ZFP37: variants seen among roughly 807,000 people sequenced by gnomAD.
ZFP37 encodes the protein zinc finger protein 37 homolog.
In ZFP37, 38 loss-of-function variants were observed where a neutral mutation model predicts 52.1. The observed-to-expected ratio is 0.73, with a 90% CI of 0.56 to 0.96. ZFP37 has a LOEUF of 0.96. Ranked by LOEUF, ZFP37 falls within the 40% of genes least tolerant of loss-of-function variation. The pLI, the probability that ZFP37 is intolerant of heterozygous loss-of-function variation, is 0.00. For synonymous variants in ZFP37, 253 were observed against 259.5 expected (o/e 0.98, Z 0.24); for missense variants, 695 against 741.4 (o/e 0.94, Z 0.73).
In ZFP37 at chr9:113,043,355, G is replaced by A. The variant is rs373377090; in HGVS notation, c.1263C>T (p.Thr421=). 4.7e-5 allele frequency: 76 copies of A among 1,613,898 alleles called. No homozygotes were observed. Among genetic ancestry groups the A allele is most frequent in the Non-Finnish European group, 5.3e-5 (62 of 1,179,978 alleles). The change falls in exon 4 of 4, where the codon ACC becomes ACT. Residue 421 remains threonine, a synonymous_variant. Transcript: ENST00000374227. The part of the protein sequence containing the change: ...GKSFRYNSSL[T]EHVRTHTGEI... ...CACCTGTATGTGTTCTCACATGTTCGGTAAGAGATGAGTTATACCTAAAAG... is the reference window on the plus strand; with the variant it reads ...CACCTGTATGTGTTCTCACATGTTCAGTAAGAGATGAGTTATACCTAAAAG...
chr9:113,046,230 CTA>C (rs200966204), intron 3 of ZFP37, among the ~76,000 whole-genome samples: 20 of 125,616 alleles, frequency 1.6e-4, no homozygotes, highest in African/African-American at 3.8e-4. Flanking sequence ...AGACATATAT[CTA>C]TATATATATA....
rs560965530 is a variant in ZFP37 at position 113,043,953 on chromosome 9, C to T, written c.665G>A (p.Gly222Asp). Residue 222 changes from glycine to aspartate, a missense_variant, in exon 4 of 4, where the codon GGC (glycine) becomes GAC (aspartate). Gly to Asp is a moderately conservative substitution (Grantham distance 94, BLOSUM62 -1). Transcript: ENST00000374227. ...FNHSLSDTRK[G>D]KKQTGKKHEK... Reference sequence around the variant, plus strand: ...ATGTTTCTTTCCAGTTTGCTTTTTGCCTTTCCTTGTATCAGATAAGCTATG... The same window carrying T: ...ATGTTTCTTTCCAGTTTGCTTTTTGTCTTTCCTTGTATCAGATAAGCTATG... 1.2e-6 allele frequency: 2 copies of T among 1,613,934 alleles called. No individual in the cohort carries two copies. The highest frequency in any genetic ancestry group is 2.2e-5 in the South Asian group (2 of 91,074).
At chr9:113,044,540 G>A (rs1828918321) in intron 3 of ZFP37, among the ~76,000 whole-genome samples, 1 of 152,136 alleles carries the variant, frequency 6.6e-6, no homozygotes. Context: ...AACACAGGGA[G>A]AAGTGAACAG....
At position 113,049,791 on chromosome 9, in the gene ZFP37, C is replaced by T. The variant is rs373370082; in HGVS notation, c.214G>A (p.Gly72Arg). 6.2e-7 allele frequency: 1 copy of T among 1,613,328 alleles called. No homozygotes were observed. Among genetic ancestry groups the T allele is most frequent in the African/African-American group, 1.3e-5 (1 of 74,866 alleles). Residue 72 changes from glycine to arginine, a missense_variant and splice_region_variant, in exon 2 of 4, where the codon GGG (glycine) becomes AGG (arginine). Gly to Arg is a moderately radical substitution (Grantham distance 125). Coordinates refer to ENST00000374227, the MANE Select transcript of ZFP37 (RefSeq NM_003408.3). ...TGAATTACAAAGGAATTGTTCTTACCCATTGAGGCTTGGTTGCAGTAGTTC... is the reference window on the plus strand; with the variant it reads ...TGAATTACAAAGGAATTGTTCTTACTCATTGAGGCTTGGTTGCAGTAGTTC... ...LENYCNQASMGCQAPKPDMIS... is the reference protein window; with the variant it reads ...LENYCNQASMRCQAPKPDMIS...
chr9:113,053,001 C>T (rs1829083915), intron 1 of ZFP37, among the ~76,000 whole-genome samples: 1 of 152,206 alleles, frequency 6.6e-6, no homozygotes, highest in South Asian at 2.1e-4. Flanking sequence ...TCCGTATCAA[C>T]GTGGAAGAGC....
rs112905825 is a variant in ZFP37, at chr9:113,039,805, T to A, written c.*2920A>T. On this transcript the variant is annotated 3_prime_UTR_variant, in exon 4 of 4. Transcript: ENST00000374227. ...TTACTTTTATGCCCCTTCATTTTCT[T>A]AAAGAGGATCTGAAAAACAGTTTAA... is the stretch of plus-strand genomic sequence containing the variant. 96 of 152,320 alleles carry A rather than the reference T, an allele frequency of 6.3e-4. No homozygotes were observed. Among genetic ancestry groups the A allele is most frequent in the African/African-American group, 2.0e-3 (83 of 41,570 alleles). 9.4% of individuals were successfully genotyped at this position (152,320 alleles called of 1,614,324 possible).
In ZFP37 at chr9:113,043,246, C is replaced by T. The variant is rs370900101; in HGVS notation, c.1372G>A (p.Glu458Lys). The T allele has an allele frequency of 6.8e-6, 11 of 1,613,814 alleles. No individual in the cohort carries two copies. In the African/African-American group the frequency reaches 1.5e-4, roughly 22 times the overall value. ...LTKHMRIHTG[E>K]KPFECNECGK... ...CATTCATTACATTCAAAGGGTTTCT[C>T]ACCTGTATGAATTCTCATGTGTTTA... The change falls in exon 4 of 4, where the codon GAG becomes AAG. Residue 458 changes from glutamate to lysine, a missense_variant. Physicochemically the swap from Glu to Lys is moderately conservative, Grantham distance 56 (BLOSUM62 1). Around this residue, in one of 2 missense-constraint regions of ZFP37, gnomAD observed 326 missense variants for 400.5 expected, o/e 0.81. Coordinates refer to ENST00000374227, the MANE Select transcript of ZFP37 (RefSeq NM_003408.3).
At position 113,039,601 on chromosome 9, in the gene ZFP37, T is replaced by C. The variant is rs1828814737; in HGVS notation, c.*3124A>G. On this transcript the variant is annotated 3_prime_UTR_variant, in exon 4 of 4. Coordinates refer to ENST00000374227, the MANE Select transcript of ZFP37 (RefSeq NM_003408.3). ...CTTTTTGCCATCCAGTGATCTGTTA[T>C]ACTTTATATTGTAGTTGTTTATTTA... is the stretch of plus-strand genomic sequence containing the variant. 1 of 152,174 alleles carries C rather than the reference T, an allele frequency of 6.6e-6. No homozygotes were observed. Among genetic ancestry groups the C allele is most frequent in the South Asian group, 2.1e-4 (1 of 4,824 alleles). The allele number at this position is 152,174 out of a possible 1,614,324, so 9.4% of individuals were successfully genotyped here.
chr9:113,050,983 G>A (rs1212002916), intron 1 of ZFP37, among the ~76,000 whole-genome samples: 1 of 151,922 alleles, frequency 6.6e-6, no homozygotes, highest in Non-Finnish European at 1.5e-5. Context: ...ATGTTCTTTA[G>A]AAATAAAGGA....
intron 1 of ZFP37, among the ~76,000 whole-genome samples, chr9:113,051,431 A>T (rs1386820665): frequency 6.6e-6 from 1 of 151,958 alleles, no homozygotes; most frequent in Non-Finnish European, 1.5e-5. Flanking sequence ...CAGGCAACCA[A>T]ATTTTTTTTC....
intron 3 of ZFP37, among the ~76,000 whole-genome samples, chr9:113,045,291 C>A (rs1828931246): frequency 1.3e-5 from 2 of 152,046 alleles, no homozygotes; most frequent in African/African-American, 2.4e-5. Flanking sequence ...CTGAAATGAC[C>A]CCTAAAATGA....
At chr9:113,048,995 C>T (rs1270882548) in intron 3 of ZFP37, among the ~76,000 whole-genome samples, 1 of 152,156 alleles carries the variant, frequency 6.6e-6, no homozygotes, top group East Asian at 1.9e-4. Context: ...TGGAATAGGG[C>T]TGTGGCTTGA....
intron 3 of ZFP37, among the ~76,000 whole-genome samples, chr9:113,047,141 AAG>A (rs551353646): frequency 2.1e-3 from 313 of 152,140 alleles, no homozygotes; most frequent in African/African-American, 7.0e-3. Flanking sequence ...CTGAACCAAG[AAG>A]AGAGTCACTG....
chr9:113,043,539 T>C lies in ZFP37; in HGVS notation c.1079A>G (p.His360Arg), dbSNP rs1393814435. 4 of 1,614,124 alleles carry C rather than the reference T, an allele frequency of 2.5e-6. No homozygotes were observed. Among genetic ancestry groups the C allele is most frequent in the Non-Finnish European group, 3.4e-6 (4 of 1,179,956 alleles). The change falls in exon 4 of 4, where the codon CAT becomes CGT. Residue 360 changes from histidine (H) to arginine (R), a missense_variant. By Grantham distance (29) the His-to-Arg change is conservative (BLOSUM62 0). Coordinates refer to ENST00000374227, the MANE Select transcript of ZFP37 (RefSeq NM_003408.3). ...ECIQCGKAHG[H>R]KHALTDHLRI... Reference sequence around the variant, plus strand: ...TAGATGGTCAGTGAGTGCATGTTTATGACCATGGGCTTTGCCACACTGAAT... The same window carrying C: ...TAGATGGTCAGTGAGTGCATGTTTACGACCATGGGCTTTGCCACACTGAAT...
Position 113,043,396 on chromosome 9 carries a change from T to C in ZFP37, c.1222A>G (p.Lys408Glu). ...SHTGEKPYEC[K>E]ECGKSFRYNS... ...TACCTAAAAGACTTCCCACATTCCT[T>C]ACATTCATATGGCTTCTCACCTGTG... Residue 408 changes from lysine (K) to glutamate (E), a missense_variant, in exon 4 of 4, where the codon AAG (lysine) becomes GAG (glutamate). Transcript: ENST00000374227. 6.2e-7 allele frequency: 1 copy of C among 1,614,150 alleles called. No individual in the cohort carries two copies. The highest frequency in any genetic ancestry group is 2.2e-5 in the East Asian group (1 of 44,876).
Position 113,042,742 on chromosome 9 carries a change from C to T in ZFP37, c.1876G>A (p.Asp626Asn), listed in dbSNP as rs752674543. ...LTKHVKTHSE[D>N]KSHE is the part of the protein sequence containing the mutation. ...CATTAACTTCACTCATGAGATTTAT[C>T]TTCTGAATGAGTTTTCACATGTTTG... is the stretch of plus-strand genomic sequence containing the variant. The change falls in exon 4 of 4, where the codon GAT (aspartate) becomes AAT (asparagine). Residue 626 changes from aspartate to asparagine, a missense_variant. By Grantham distance (23) the Asp-to-Asn change is conservative. This residue lies in a region of ZFP37 where 326 missense variants were observed against 400.5 expected (regional missense o/e 0.81). Coordinates refer to ENST00000374227, the MANE Select transcript of ZFP37 (RefSeq NM_003408.3). 18 of 1,570,662 alleles carry T rather than the reference C, an allele frequency of 1.1e-5. No individual in the cohort carries two copies. Among genetic ancestry groups the T allele is most frequent in the Middle Eastern group, 1.7e-4 (1 of 5,814 alleles).
chr9:113,049,505 G>A lies in ZFP37; in HGVS notation c.215-9C>T. The A allele has an allele frequency of 6.2e-7, 1 of 1,609,890 alleles. No individual in the cohort carries two copies. The highest frequency in any genetic ancestry group is 1.1e-5 in the South Asian group (1 of 90,562). ...TTTGGGAGCTTGACACCCTGCTCATGAGAAATAGCAGAAACTGAGTGTTAG... is the reference window on the plus strand; with the variant it reads ...TTTGGGAGCTTGACACCCTGCTCATAAGAAATAGCAGAAACTGAGTGTTAG... On this transcript the variant is annotated splice_polypyrimidine_tract_variant and intron_variant, in intron 2 of 3. Coordinates refer to ENST00000374227, the MANE Select transcript of ZFP37 (RefSeq NM_003408.3).
rs1318286689 is a variant in ZFP37 at position 113,052,213 on chromosome 9, C to G, written c.133-2341G>C. Among the ~76,000 whole-genome samples the G allele has an allele frequency of 6.6e-6, 1 of 152,172 alleles. No individual in the cohort carries two copies. The highest frequency in any genetic ancestry group is 1.5e-5 in the Non-Finnish European group (1 of 68,030). ...TGCTTCACCTGAAATCTACCTGTCT[C>G]CTGAGGATCCTGCTTCCTTATAGGA... is the stretch of plus-strand genomic sequence containing the variant. On this transcript the variant is annotated intron_variant, in intron 1 of 3. Transcript: ENST00000374227. The surrounding 1 kb of genome is among the most constrained non-coding windows in gnomAD (Gnocchi z 4.1).
chr9:113,046,236 A>C (rs1390909239), intron 3 of ZFP37, among the ~76,000 whole-genome samples: 2 of 138,516 alleles, frequency 1.4e-5, no homozygotes, highest in African/African-American at 5.3e-5. Flanking sequence ...ATATCTATAT[A>C]TATATAGACA....
Sources: allele counts gnomAD v4.1 joint callset (sites outside exome capture counted in the v4.1 genomes callset), GRCh38; gene constraint gnomAD v4.1.1; regional missense constraint gnomAD v4.1.1; non-coding constraint Gnocchi (gnomAD v3.1); transcripts MANE v1.5; gene names NCBI Gene and HGNC (gene_info 2026-07-23, HGNC 2026-07-21).